Variants in CNNM2 observed in about 807,000 individuals in gnomAD.
CNNM2 encodes the protein cyclin and CBS domain divalent metal cation transport mediator 2, also known as metal transporter CNNM2.
A neutral mutation model predicts 66.9 loss-of-function variants in CNNM2; 12 were observed. The ratio of observed to expected loss-of-function variants is 0.18; its 90% CI spans 0.11 to 0.29. CNNM2 has a LOEUF of 0.29. Among genes scored for constraint, CNNM2 ranks in the 10% least tolerant of loss-of-function variants. The probability of loss-of-function intolerance (pLI) is 1.00; values close to 1 mark genes in which losing one functional copy is unlikely to be tolerated. For synonymous variants in CNNM2, 557 were observed against 501.8 expected, an observed-to-expected ratio of 1.11 and a Z score of -1.47; for missense variants, 705 against 1,167.7, an observed-to-expected ratio of 0.60 and a Z score of 5.77.
chr10:103,048,707 G>T (rs888161299), intron 1 of CNNM2, among the ~76,000 whole-genome samples: 3 of 152,154 alleles, frequency 2.0e-5, no homozygotes, highest in African/African-American at 7.2e-5. Flanking sequence ...AGTCCAACTT[G>T]CAAGTCAATC....
At chr10:103,071,094 T>A (rs978979224) in intron 5 of CNNM2, among the ~76,000 whole-genome samples, 15 of 152,224 alleles carry the variant, frequency 9.9e-5, no homozygotes, top group African/African-American at 3.4e-4. Flanking sequence ...TGATGTTCGC[T>A]GTCTGGGGAA....
intron 1 of CNNM2, chr10:102,927,213 A>G (rs574065446): frequency 2.5e-6 from 3 of 1,190,986 alleles, no homozygotes; most frequent in Non-Finnish European, 3.6e-6. Context: ...TATTGACAGT[A>G]AACTTTCAAT....
chr10:103,040,173 C>T (rs936987056), intron 1 of CNNM2, among the ~76,000 whole-genome samples: 2 of 151,418 alleles, frequency 1.3e-5, no homozygotes, highest in Non-Finnish European at 2.9e-5. Flanking sequence ...TCTCAAAAAA[C>T]AAAAAAGACA....
In CNNM2 at chr10:103,086,692, G is replaced by A. The variant is rs192795231; in HGVS notation, c.*9512G>A. On this transcript the variant is annotated 3_prime_UTR_variant, in exon 8 of 8. Transcript: ENST00000369878. ...TGCTAATGTGACTTAAGGATTTGTA[G>A]TTCTATTAAAAACGACTTCTAAAAG... The A allele has an allele frequency of 6.6e-6, 1 of 152,324 alleles. No homozygotes were observed. Among genetic ancestry groups the A allele is most frequent in the African/African-American group, 2.4e-5 (1 of 41,562 alleles). 9.4% of individuals were successfully genotyped at this position (152,324 alleles called of 1,614,324 possible).
intron 1 of CNNM2, among the ~76,000 whole-genome samples, chr10:102,953,119 T>A (rs1165952442): frequency 1.3e-5 from 2 of 152,206 alleles, no homozygotes; most frequent in Non-Finnish European, 2.9e-5. Context: ...GGACATGACT[T>A]GAGATTTCTC....
intron 4 of CNNM2, among the ~76,000 whole-genome samples, chr10:103,063,735 C>T (rs1375681467): frequency 6.6e-6 from 1 of 152,164 alleles, no homozygotes; most frequent in Non-Finnish European, 1.5e-5. Flanking sequence ...GCCCTACTTC[C>T]CTCTGGGAAT....
intron 1 of CNNM2, among the ~76,000 whole-genome samples, chr10:103,031,872 T>C (rs2064829642): frequency 6.6e-6 from 1 of 152,146 alleles, no homozygotes; most frequent in African/African-American, 2.4e-5. Flanking sequence ...CCCGTTGATT[T>C]CTCCCTCTTG....
intron 1 of CNNM2, among the ~76,000 whole-genome samples, chr10:102,923,953 G>T (rs2134157136): frequency 6.6e-6 from 1 of 152,236 alleles, no homozygotes; most frequent in South Asian, 2.1e-4. Flanking sequence ...TTTTAATCTT[G>T]GTTTTTATTT....
At chr10:102,968,908 G>A (rs904020909) in intron 1 of CNNM2, among the ~76,000 whole-genome samples, 2 of 125,150 alleles carry the variant, frequency 1.6e-5, no homozygotes, top group Admixed American at 1.7e-4. Context: ...AGCCAGTGCT[G>A]TCTTTTTTTT....
Position 103,013,158 on chromosome 10 carries a change from GGAT to G in CNNM2, c.1622-36548_1622-36546del, listed in dbSNP as rs1333562182. 2.8e-4 allele frequency among the ~76,000 whole-genome samples: 42 copies of G among 152,132 alleles called. 1 individual carries two copies. In the South Asian group the frequency reaches 5.2e-3, roughly 19 times the overall value. ...TTGATATTTAATATTTATAAAATGA[GGAT>G]AATAATTCATAGGGCCCTATTCTAC... On this transcript the variant is annotated intron_variant, in intron 1 of 7. Transcript: ENST00000369878.
At chr10:103,029,124 C>T (rs1264632895) in intron 1 of CNNM2, among the ~76,000 whole-genome samples, 1 of 151,714 alleles carries the variant, frequency 6.6e-6, no homozygotes, top group African/African-American at 2.4e-5. Context: ...GCCCGGCCCC[C>T]ACTCCTATTT....
At chr10:102,935,443 A>G (rs1846202942) in intron 1 of CNNM2, among the ~76,000 whole-genome samples, 1 of 152,044 alleles carries the variant, frequency 6.6e-6, no homozygotes, top group Non-Finnish European at 1.5e-5. Flanking sequence ...TCTGAGCAAC[A>G]GAGGAGACCT....
intron 1 of CNNM2, among the ~76,000 whole-genome samples, chr10:102,977,132 A>G (rs1400472487): frequency 1.3e-5 from 2 of 152,190 alleles, no homozygotes; most frequent in Non-Finnish European, 2.9e-5. Context: ...TTCCCATCTG[A>G]CTGCAGAGTG....
At chr10:102,992,044 G>C (rs1052990498) in intron 1 of CNNM2, among the ~76,000 whole-genome samples, 5 of 152,048 alleles carry the variant, frequency 3.3e-5, no homozygotes, top group African/African-American at 1.2e-4. Flanking sequence ...CATACAAATT[G>C]ATATGTACAT....
At chr10:103,018,583 T>C (rs1357381279) in intron 1 of CNNM2, among the ~76,000 whole-genome samples, 1 of 152,006 alleles carries the variant, frequency 6.6e-6, no homozygotes, top group Non-Finnish European at 1.5e-5. Context: ...CTCTGATTTT[T>C]AGAGGTCAGG....
At chr10:103,056,706 TTCTTA>T in intron 3 of CNNM2, 84 bp from the exon 4 acceptor site, 2 of 1,245,556 alleles carry the variant, frequency 1.6e-6, no homozygotes, top group Non-Finnish European at 2.3e-6. Context: ...ATTCCAAGTA[TTCTTA>T]TCTAAACACC....
At position 103,077,263 on chromosome 10, in the gene CNNM2, G is replaced by A; in HGVS notation, c.*83G>A. On this transcript the variant is annotated 3_prime_UTR_variant, in exon 8 of 8. Transcript: ENST00000369878. ...TGTCTGCCCATGACTTCACTGGTGTGAGCTTGTCCGCCATGCTGTACCCTG... is the reference window on the plus strand; with the variant it reads ...TGTCTGCCCATGACTTCACTGGTGTAAGCTTGTCCGCCATGCTGTACCCTG... 1 of 1,263,218 alleles carries A rather than the reference G, an allele frequency of 7.9e-7. No homozygotes were observed. Among genetic ancestry groups the A allele is most frequent in the Non-Finnish European group, 1.1e-6 (1 of 887,504 alleles). 78.3% of individuals were successfully genotyped at this position (1,263,218 alleles called of 1,614,324 possible). A position where few individuals can be genotyped will look rare whatever the true frequency, so the allele number is the denominator to read the frequency against.
chr10:102,927,804 T>G (rs1438868053), intron 1 of CNNM2, among the ~76,000 whole-genome samples: 2 of 152,074 alleles, frequency 1.3e-5, no homozygotes, highest in Non-Finnish European at 2.9e-5. Context: ...ACTAGAGGTT[T>G]GTGGTCTAGC....
In CNNM2 at chr10:103,076,234, C is replaced by T. The variant is rs2065688187; in HGVS notation, c.2382C>T (p.Tyr794=). The T allele has an allele frequency of 6.4e-7, 1 of 1,571,892 alleles. No individual in the cohort carries two copies. Among genetic ancestry groups the T allele is most frequent in the Non-Finnish European group, 8.6e-7 (1 of 1,158,206 alleles). ...TCCTCCAAGTCTACATCCCCGATTA[C>T]TCGGTGCGAGCCCTTTCGGATCTGC... The part of the protein sequence containing the change: ...SSLLQVYIPD[Y]SVRALSDLQF... Residue 794 remains tyrosine (Y), a synonymous_variant, in exon 7 of 8, where the codon TAC becomes TAT. Transcript: ENST00000369878.
Sources: gnomAD v4.1 joint callset for allele counts (sites outside exome capture counted in the v4.1 genomes callset) on GRCh38, gnomAD v4.1.1 for gene constraint, MANE v1.5 for transcripts, NCBI Gene and HGNC (gene_info 2026-07-23, HGNC 2026-07-21) for gene names.